Variants in CFAP58 observed in about 807,000 individuals in gnomAD.
CFAP58 encodes cilia- and flagella-associated protein 58.
CFAP58 carries 88 observed loss-of-function variants against 119.5 expected under a neutral mutation model. The ratio of observed to expected loss-of-function variants is 0.74; its 90% CI spans 0.62 to 0.88. The LOEUF is 0.88. Ranked by LOEUF, CFAP58 falls within the 40% of genes least tolerant of loss-of-function variation. The pLI, the probability that CFAP58 is intolerant of heterozygous loss-of-function variation, is 0.00. For synonymous variants in CFAP58, 365 were observed against 366.3 expected (o/e 1.00, Z 0.04); for missense variants, 990 against 1,021.2 (o/e 0.97, Z 0.42).
At chr10:104,399,303 G>T in intron 11 of CFAP58, 57 bp from the exon 12 acceptor site, 1 of 1,586,940 alleles carries the variant, frequency 6.3e-7, no homozygotes, top group South Asian at 1.1e-5. Flanking sequence ...GGGCCCTGTC[G>T]TCCTGGTTTG....
chr10:104,353,825 T>A, upstream of CFAP58: 1 of 1,564,818 alleles, frequency 6.4e-7, no homozygotes, highest in Non-Finnish European at 8.7e-7. Context: ...GCCTTTAGCT[T>A]CTTTCCCAGA....
chr10:104,416,071 C>T (rs1174963352), intron 15 of CFAP58, among the ~76,000 whole-genome samples: 2 of 152,108 alleles, frequency 1.3e-5, no homozygotes, highest in African/African-American at 4.8e-5. Context: ...GGAAAGGAAA[C>T]AAACTTGACC....
chr10:104,370,636 T>C (rs1421488818), intron 6 of CFAP58, among the ~76,000 whole-genome samples: 1 of 152,206 alleles, frequency 6.6e-6, no homozygotes, highest in African/African-American at 2.4e-5. Context: ...CCATTTCAGA[T>C]GGTAACTTGA....
At chr10:104,445,909 G>A (rs889226495) in intron 15 of CFAP58, among the ~76,000 whole-genome samples, 2 of 152,216 alleles carry the variant, frequency 1.3e-5, no homozygotes, top group Admixed American at 1.3e-4. Context: ...CTTGGAGTAA[G>A]ATGGTCTTTT....
chr10:104,381,965 T>C (rs1318395531), intron 9 of CFAP58, among the ~76,000 whole-genome samples: 30 of 152,270 alleles, frequency 2.0e-4, no homozygotes, highest in Non-Finnish European at 2.6e-4. Context: ...CCTGGTATTA[T>C]CGAGCTTGGA....
intron 15 of CFAP58, among the ~76,000 whole-genome samples, chr10:104,408,877 A>G (rs987919706): frequency 6.6e-6 from 1 of 152,078 alleles, no homozygotes; most frequent in African/African-American, 2.4e-5. Flanking sequence ...GTGGGGGTGG[A>G]TTGCTTGAGC....
chr10:104,399,267 A>G (rs2012217752), intron 11 of CFAP58, 93 bp from the exon 12 acceptor site: 4 of 1,388,026 alleles, frequency 2.9e-6, no homozygotes, highest in Non-Finnish European at 3.9e-6. Context: ...GGAAAGAGTA[A>G]GAAGCACAAC....
intron 15 of CFAP58, among the ~76,000 whole-genome samples, chr10:104,433,923 C>T (rs191702740): frequency 1.7e-3 from 257 of 152,310 alleles, no homozygotes; most frequent in Non-Finnish European, 2.5e-3. Context: ...TCTGGTCTCT[C>T]CAGAACCCTC....
chr10:104,387,536 A>G (rs1470007145), intron 9 of CFAP58, among the ~76,000 whole-genome samples: 1 of 152,192 alleles, frequency 6.6e-6, no homozygotes. Context: ...GAGAGTGAAC[A>G]TTTGTTAAAC....
intron 7 of CFAP58, among the ~76,000 whole-genome samples, chr10:104,372,127 C>T (rs1054897031): frequency 3.9e-4 from 59 of 152,050 alleles, no homozygotes; most frequent in Non-Finnish European, 7.4e-5. Context: ...CCAAGGCAGG[C>T]GGATCACCTG....
At chr10:104,385,338 A>G (rs181576842) in intron 9 of CFAP58, among the ~76,000 whole-genome samples, 22 of 152,364 alleles carry the variant, frequency 1.4e-4, no homozygotes, top group African/African-American at 4.3e-4. Flanking sequence ...AGTAGAATAC[A>G]GGACTATCAC....
intron 15 of CFAP58, among the ~76,000 whole-genome samples, chr10:104,408,752 T>C (rs1241832032): frequency 6.6e-6 from 1 of 152,180 alleles, no homozygotes; most frequent in Admixed American, 6.5e-5. Flanking sequence ...AGCTCATCAA[T>C]GTTCAGTCTT....
upstream of CFAP58, among the ~76,000 whole-genome samples, chr10:104,351,109 C>A (rs2014454401): frequency 6.6e-6 from 1 of 152,220 alleles, no homozygotes; most frequent in African/African-American, 2.4e-5. Flanking sequence ...CACAAAGCAG[C>A]CTGAGCTGGG....
intron 15 of CFAP58, among the ~76,000 whole-genome samples, chr10:104,446,950 T>C (rs1434459072): frequency 1.3e-5 from 2 of 152,186 alleles, no homozygotes; most frequent in Non-Finnish European, 2.9e-5. Flanking sequence ...CCAAGTTTCC[T>C]TGGATATTTA....
At position 104,365,997 on chromosome 10, in the gene CFAP58, A is replaced by G. The variant is rs780715284; in HGVS notation, c.781A>G (p.Lys261Glu). ...EELQKLEQQLKEQKILNERAA... is the reference protein window; with the variant it reads ...EELQKLEQQLEEQKILNERAA... The stretch of plus-strand genomic sequence containing the variant: ...GCTTCAGAAGCTGGAGCAGCAGCTG[A>G]AGGAGCAGAAGGTGAGTTGGGTGTG... Residue 261 changes from lysine to glutamate, a missense_variant, in exon 5 of 18, where the codon AAG becomes GAG. By Grantham distance (56) the Lys-to-Glu change is moderately conservative. Transcript: ENST00000369704. 1.9e-6 allele frequency: 3 copies of G among 1,598,494 alleles called. No homozygotes were observed. The highest frequency in any genetic ancestry group is 2.6e-6 in the Non-Finnish European group (3 of 1,173,872).
intron 15 of CFAP58, among the ~76,000 whole-genome samples, chr10:104,410,390 T>C (rs1374050945): frequency 6.6e-6 from 1 of 152,266 alleles, no homozygotes; most frequent in Non-Finnish European, 1.5e-5. Context: ...GGGTTCTGTC[T>C]CTTCCTTTTT....
At chr10:104,340,762 G>A in the CFAP58 span, among the ~76,000 whole-genome samples, 1 of 152,178 alleles carries the variant, frequency 6.6e-6, no homozygotes, top group African/African-American at 2.4e-5. Flanking sequence ...CTAAGGACCA[G>A]GGGTGAGTAC....
intron 5 of CFAP58, 142 bp from the exon 6 acceptor site, chr10:104,368,281 G>A (rs764244296): frequency 2.9e-6 from 2 of 681,328 alleles, no homozygotes; most frequent in South Asian, 2.1e-5. Flanking sequence ...TGCTTTCATC[G>A]GGAATAAAGA....
At chr10:104,439,733 T>C (rs1204007223) in intron 15 of CFAP58, among the ~76,000 whole-genome samples, 1 of 109,714 alleles carries the variant, frequency 9.1e-6, no homozygotes, top group Non-Finnish European at 1.9e-5. Context: ...AACAACAACA[T>C]ATTTTCAAAG....
Sources: gnomAD v4.1 joint callset for allele counts (sites outside exome capture counted in the v4.1 genomes callset) on GRCh38, gnomAD v4.1.1 for gene constraint, MANE v1.5 for transcripts, NCBI Gene and HGNC (gene_info 2026-07-23, HGNC 2026-07-21) for gene names.